Variants in FER1L5 observed in about 807,000 individuals in gnomAD.
FER1L5 encodes fer-1 like family member 5.
In FER1L5, 187 loss-of-function variants were observed where a neutral mutation model predicts 279.9. The observed-to-expected ratio is 0.67, with a 90% CI of 0.59 to 0.75. The LOEUF is 0.75. Among genes scored for constraint, FER1L5 ranks in the 30% least tolerant of loss-of-function variants. The pLI is 0.00. For missense variants in FER1L5, 2,091 were observed against 2,594.4 expected (o/e 0.81, Z 4.21); for synonymous variants, 921 against 989.7 (o/e 0.93, Z 1.30).
At position 96,651,936 on chromosome 2, in the gene FER1L5, C is replaced by G; in HGVS notation, c.549C>G (p.Asn183Lys). 1 of 1,552,052 alleles carries G rather than the reference C, an allele frequency of 6.4e-7. No homozygotes were observed. Among genetic ancestry groups the G allele is most frequent in the Non-Finnish European group, 8.7e-7 (1 of 1,147,062 alleles). Residue 183 changes from asparagine (N) to lysine (K), a missense_variant, in exon 7 of 53, where the codon AAC becomes AAG. By Grantham distance (94) the Asn-to-Lys change is moderately conservative. Transcript: ENST00000624922. ...AAGCCCGACAGCTCATGGGCAACAA[C>G]ATCAAACCAGTGGTGAAGGTGTCCA... ...VFEARQLMGN[N>K]IKPVVKVSIA... is the part of the protein sequence containing the mutation.
At position 96,700,490 on chromosome 2, in the gene FER1L5, C is replaced by A; in HGVS notation, c.5070+19C>A. The A allele has an allele frequency of 6.2e-7, 1 of 1,612,170 alleles. No homozygotes were observed. On this transcript the variant is annotated intron_variant, in intron 45 of 52. Transcript: ENST00000624922. ...CGACCAGGTATGAGACTGGAGGGGC[C>A]ACTCCTGGCTCCTACAGGAGGAGCT...
intron 7 of FER1L5, chr2:96,653,282 G>C (rs2075459811): frequency 3.9e-6 from 1 of 256,892 alleles, no homozygotes; most frequent in Non-Finnish European, 7.4e-6. Flanking sequence ...CACAAGTTGA[G>C]TATCCCTTAC....
chr2:96,658,901 T>C (rs988526734), intron 9 of FER1L5, among the ~76,000 whole-genome samples: 3 of 152,144 alleles, frequency 2.0e-5, no homozygotes, highest in Admixed American at 6.5e-5. Flanking sequence ...GCAAATATTT[T>C]CTTCCAGAGG....
In FER1L5 at chr2:96,698,117, G is replaced by A; in HGVS notation, c.4317G>A (p.Glu1439=). 6.3e-7 allele frequency: 1 copy of A among 1,583,758 alleles called. No individual in the cohort carries two copies. Among genetic ancestry groups the A allele is most frequent in the Non-Finnish European group, 8.6e-7 (1 of 1,165,242 alleles). The change falls in exon 40 of 53, where the codon GAG becomes GAA. Residue 1439 remains glutamate, a synonymous_variant. Coordinates refer to ENST00000624922, the MANE Select transcript of FER1L5 (RefSeq NM_001293083.2). This position sits in a 1 kb window ranked among gnomAD's most constrained non-coding sequence, Gnocchi z 5.5. ...DFCQTFKLYQ[E]QPKLDSPVVG... ...GCCAGACCTTCAAACTCTACCAGGA[G>A]CAGCCCAAGTTGGACAGCCCCGTGG...
In FER1L5 at chr2:96,691,218, G is replaced by A. The variant is rs902736396; in HGVS notation, c.2772G>A (p.Pro924=). 9.0e-5 allele frequency: 139 copies of A among 1,550,080 alleles called. No individual in the cohort carries two copies. Among genetic ancestry groups the A allele is most frequent in the East Asian group, 4.4e-4 (18 of 40,912 alleles). The part of the protein sequence containing the change: ...KGWEYGVGIP[P]SGLPQVWSPV... ...GGGAGTATGGAGTGGGGATCCCACCGTCGGGCCTGCCCCAGGTCTGGAGCC... is the reference window on the plus strand; with the variant it reads ...GGGAGTATGGAGTGGGGATCCCACCATCGGGCCTGCCCCAGGTCTGGAGCC... Residue 924 remains proline (P), a synonymous_variant, in exon 28 of 53, where the codon CCG becomes CCA. Coordinates refer to ENST00000624922, the MANE Select transcript of FER1L5 (RefSeq NM_001293083.2). This position sits in a 1 kb window ranked among gnomAD's most constrained non-coding sequence, Gnocchi z 6.0.
chr2:96,664,134 GAAAA>G (rs1477128494), intron 14 of FER1L5, among the ~76,000 whole-genome samples: 1 of 145,634 alleles, frequency 6.9e-6, no homozygotes, highest in Non-Finnish European at 1.5e-5. Context: ...AAAGAAAAAA[GAAAA>G]GAGAGAGAGA....
chr2:96,687,041 A>G (rs2106634490), intron 23 of FER1L5, among the ~76,000 whole-genome samples: 2 of 152,084 alleles, frequency 1.3e-5, no homozygotes, highest in Middle Eastern at 6.8e-3. Context: ...AAATAAGACT[A>G]AACACCCTGA....
At chr2:96,649,817 C>CT in intron 5 of FER1L5, 140 bp downstream of exon 5, 3 of 801,380 alleles carry the variant, frequency 3.7e-6, no homozygotes, top group African/African-American at 1.7e-5. Context: ...TCCCTGGAAG[C>CT]TACAGGGTCT....
In FER1L5 at chr2:96,704,253, T is replaced by G; in HGVS notation, c.5840T>G (p.Val1947Gly). ...NTSFTWLRSP[V>G]QNFCYIFWKR... ...TCTTTCACGTGGCTGCGGTCACCAG[T>G]TCAAAACTTCTGCTATATTTTCTGG... The change falls in exon 52 of 53, where the codon GTT becomes GGT. Residue 1947 changes from valine to glycine, a missense_variant. Transcript: ENST00000624922. 1 of 1,614,000 alleles carries G rather than the reference T, an allele frequency of 6.2e-7. No individual in the cohort carries two copies. The highest frequency in any genetic ancestry group is 1.1e-5 in the South Asian group (1 of 91,088).
At chr2:96,701,899 G>C (rs759955441) in intron 45 of FER1L5, 56 bp from the exon 46 acceptor site, 81 of 1,570,404 alleles carry the variant, frequency 5.2e-5, no homozygotes, top group Admixed American at 1.4e-4. Context: ...CCCCAGGCCA[G>C]CCTGCTGAGA....
intron 50 of FER1L5, 48 bp from the exon 51 acceptor site, chr2:96,703,475 G>C: frequency 1.2e-6 from 2 of 1,611,282 alleles, no homozygotes; most frequent in South Asian, 2.2e-5. Flanking sequence ...AAACTACCCG[G>C]CTCCTGCTGT....
chr2:96,663,995 C>T (rs2076042231), intron 14 of FER1L5, among the ~76,000 whole-genome samples: 1 of 151,972 alleles, frequency 6.6e-6, no homozygotes, highest in African/African-American at 2.4e-5. Flanking sequence ...GTGAGCTGAG[C>T]CGAGGTAGTA....
Position 96,694,263 on chromosome 2 carries a change from C to A in FER1L5, c.3637-97C>A. ...CCCCTGCCAGCCCCTACCCATGGGG[C>A]TCTGGGCTCGGTGAGGCCTCTGAGG... is the stretch of plus-strand genomic sequence containing the variant. On this transcript the variant is annotated intron_variant, in intron 33 of 52. Transcript: ENST00000624922. The surrounding 1 kb of genome is among the most constrained non-coding windows in gnomAD (Gnocchi z 4.6). 2 of 1,340,034 alleles carry A rather than the reference C, an allele frequency of 1.5e-6. No individual in the cohort carries two copies. The highest frequency in any genetic ancestry group is 2.0e-6 in the Non-Finnish European group (2 of 999,136). 83.0% of individuals were successfully genotyped at this position (1,340,034 alleles called of 1,614,324 possible).
rs869186919 is a variant in FER1L5, at chr2:96,658,020, C to CT, written c.748-2307dup. On this transcript the variant is annotated intron_variant, in intron 9 of 52. Transcript: ENST00000624922. The stretch of plus-strand genomic sequence containing the variant: ...GTATATGTGGTATATGTTTAACTTT[C>CT]TTTTTTTTTTTTTTGAGATGGAGTC... Among the ~76,000 whole-genome samples the CT allele has an allele frequency of 6.7e-3, 952 of 141,816 alleles. 8 individuals are homozygous for CT. Among genetic ancestry groups the CT allele is most frequent in the Admixed American group, 0.017 (236 of 14,110 alleles). 93.0% of individuals were successfully genotyped at this position (141,816 alleles called of 152,430 possible). A position where few individuals can be genotyped will look rare whatever the true frequency, so the allele number is the denominator to read the frequency against.
intron 6 of FER1L5, among the ~76,000 whole-genome samples, chr2:96,651,237 CTCTTTCTT>C (rs70964882): frequency 0.17 from 21,440 of 128,398 alleles, 1,904 homozygotes; most frequent in Admixed American, 0.21. Flanking sequence ...TTCTTTCTTT[CTCTTTCTT>C]TCTTTCTTTC....
At chr2:96,647,659 C>G (rs1295258068) in intron 3 of FER1L5, 119 bp from the exon 4 acceptor site, 2 of 706,808 alleles carry the variant, frequency 2.8e-6, no homozygotes, top group Admixed American at 4.9e-5. Context: ...TCTCCAGCCT[C>G]TCTCTGAGGA....
Position 96,686,278 on chromosome 2 carries a change from C to A in FER1L5, c.2157C>A (p.Ser719=). The A allele has an allele frequency of 6.4e-7, 1 of 1,551,622 alleles. No homozygotes were observed. The highest frequency in any genetic ancestry group is 8.7e-7 in the Non-Finnish European group (1 of 1,146,972). ...RVAYAQVPAH[S]VLFSPAGALH... ...CCTATGCACAGGTGCCTGCCCACTCCGTCCTCTTCTCCCCGGCAGGGGCTC... is the reference window on the plus strand; with the variant it reads ...CCTATGCACAGGTGCCTGCCCACTCAGTCCTCTTCTCCCCGGCAGGGGCTC... The change falls in exon 23 of 53, where the codon TCC becomes TCA. Residue 719 remains serine (S), a synonymous_variant. Coordinates refer to ENST00000624922, the MANE Select transcript of FER1L5 (RefSeq NM_001293083.2).
intron 9 of FER1L5, among the ~76,000 whole-genome samples, chr2:96,657,606 C>T (rs1320460189): frequency 2.0e-5 from 3 of 152,254 alleles, no homozygotes; most frequent in African/African-American, 4.8e-5. Flanking sequence ...CCGCAGACAA[C>T]CACTGATCTG....
chr2:96,652,742 G>A (rs1037812090), intron 7 of FER1L5: 3 of 152,724 alleles, frequency 2.0e-5, no homozygotes, highest in African/African-American at 7.2e-5. Context: ...CTTAAGCAGA[G>A]GAGTGACAGG....
Sources: gnomAD v4.1 joint callset for allele counts (sites outside exome capture counted in the v4.1 genomes callset) on GRCh38, gnomAD v4.1.1 for gene constraint, Gnocchi (gnomAD v3.1) non-coding constraint, MANE v1.5 for transcripts, NCBI Gene and HGNC (gene_info 2026-07-23, HGNC 2026-07-21) for gene names.